VPS11: variants seen among roughly 807,000 people sequenced by gnomAD.
VPS11 encodes vacuolar protein sorting-associated protein 11 homolog.
Under a neutral mutation model 106.8 loss-of-function variants are expected in VPS11, and 51 were observed. That is an observed-to-expected ratio of 0.48 (90% CI 0.38 to 0.60). The LOEUF is 0.60. VPS11 is among the 20% of genes least tolerant of loss of function. VPS11 has a pLI of 0.00. For missense variants in VPS11, 950 were observed against 1,190.0 expected (o/e 0.80, Z 2.97); for synonymous variants, 453 against 458.7 (o/e 0.99, Z 0.16).
chr11:119,073,995 C>T, intron 7 of VPS11, 44 bp downstream of exon 7: 2 of 1,577,072 alleles, frequency 1.3e-6, no homozygotes, highest in South Asian at 2.2e-5. Context: ...AATGCAGGGA[C>T]AGGCAGCTAG....
chr11:119,074,562 C>T (rs1945527777), intron 7 of VPS11, among the ~76,000 whole-genome samples: 1 of 152,074 alleles, frequency 6.6e-6, no homozygotes, highest in Non-Finnish European at 1.5e-5. Context: ...TGCTGCCATG[C>T]CTGGCTAATT....
At chr11:119,076,776 C>A in intron 7 of VPS11, 121 bp from the exon 8 acceptor site, 1 of 1,159,030 alleles carries the variant, frequency 8.6e-7, no homozygotes. Flanking sequence ...GAATCTCAGG[C>A]CCCACTCCAG....
intron 7 of VPS11, 163 bp from the exon 8 acceptor site, chr11:119,076,734 C>A: frequency 1.2e-6 from 1 of 810,304 alleles, no homozygotes; most frequent in South Asian, 1.7e-5. Context: ...TCTAGTAGCA[C>A]CGATATTACC....
chr11:119,079,049 G>C, intron 13 of VPS11, 52 bp downstream of exon 13: 1 of 1,612,502 alleles, frequency 6.2e-7, no homozygotes, highest in Non-Finnish European at 8.5e-7. Flanking sequence ...GCTGGGCTCT[G>C]TGGCAGGGGC....
At chr11:119,078,443 C>A in intron 11 of VPS11, 109 bp downstream of exon 11, 1 of 1,567,702 alleles carries the variant, frequency 6.4e-7, no homozygotes. Flanking sequence ...CACCTTACCT[C>A]GGGGCTCAAT....
chr11:119,069,585 G>C lies in VPS11; in HGVS notation c.472+8G>C. The C allele has an allele frequency of 1.2e-6, 2 of 1,614,000 alleles. No homozygotes were observed. Among genetic ancestry groups the C allele is most frequent in the Non-Finnish European group, 8.5e-7 (1 of 1,179,890 alleles). The stretch of plus-strand genomic sequence containing the variant: ...TCAACTTTATGGCCATTGGTAAACA[G>C]AAGGCAAAACTAACCCTCCTAGATT... On this transcript the variant is annotated splice_region_variant and intron_variant, in intron 3 of 15. Transcript: ENST00000621676.
chr11:119,079,671 G>C (rs1391402891), intron 14 of VPS11, among the ~76,000 whole-genome samples: 1 of 152,168 alleles, frequency 6.6e-6, no homozygotes, highest in Non-Finnish European at 1.5e-5. Flanking sequence ...GATCTCCTGG[G>C]CTCAAGTGAT....
Position 119,069,245 on chromosome 11 carries a change from C to G in VPS11, c.237C>G (p.Gly79=). 6.2e-7 allele frequency: 1 copy of G among 1,613,984 alleles called. No individual in the cohort carries two copies. The highest frequency in any genetic ancestry group is 8.5e-7 in the Non-Finnish European group (1 of 1,179,884). Residue 79 remains glycine, a synonymous_variant, in exon 2 of 16, where the codon GGC becomes GGG. Transcript: ENST00000621676. ...TGCCACGTTCCCTACAGCTTACAGG[C>G]TTCCAAGCCTACAAACTACGGGTGA... ...WFLPRSLQLT[G]FQAYKLRVTH...
At position 119,077,895 on chromosome 11, in the gene VPS11, T is replaced by C. The variant is rs1945689876; in HGVS notation, c.1590T>C (p.Leu530=). The change falls in exon 10 of 16, where the codon CTT becomes CTC. Residue 530 remains leucine, a synonymous_variant. Coordinates refer to ENST00000621676, the MANE Select transcript of VPS11 (RefSeq NM_021729.6). The stretch of plus-strand genomic sequence containing the variant: ...TTCCACAGAATTATCAGGAAGCCCT[T>C]CGATACATCGGCAAGCTGCCTTTTG... ...LEDIKNYQEA[L]RYIGKLPFEQ... 1 of 1,613,934 alleles carries C rather than the reference T, an allele frequency of 6.2e-7. No individual in the cohort carries two copies. Among genetic ancestry groups the C allele is most frequent in the Non-Finnish European group, 8.5e-7 (1 of 1,179,902 alleles).
intron 1 of VPS11, 139 bp downstream of exon 1, chr11:119,068,149 G>C (rs1232800537): frequency 7.4e-5 from 75 of 1,011,322 alleles, no homozygotes; most frequent in Non-Finnish European, 1.0e-4. Flanking sequence ...TGTGGTCTAC[G>C]GGAAGAAAGA....
chr11:119,073,336 C>T lies in VPS11; in HGVS notation c.1023C>T (p.Tyr341=), dbSNP rs199758476. 522 of 1,613,864 alleles carry T rather than the reference C, an allele frequency of 3.2e-4. 1 individual carries two copies. The highest frequency in any genetic ancestry group is 4.0e-4 in the Non-Finnish European group (470 of 1,179,906). ...TGCTTGCTGAGTGGGGCTCCCTGTA[C>T]GTGCTGACGCGGGATGGGCGGGTCC... ...VDVLAEWGSL[Y]VLTRDGRVHA... is the part of the protein sequence containing the mutation. The change falls in exon 6 of 16, where the codon TAC becomes TAT. Residue 341 remains tyrosine (Y), a synonymous_variant. Coordinates refer to ENST00000621676, the MANE Select transcript of VPS11 (RefSeq NM_021729.6).
In VPS11 at chr11:119,071,836, T is replaced by C; in HGVS notation, c.877T>C (p.Ser293Pro). The C allele has an allele frequency of 6.2e-7, 1 of 1,612,614 alleles. No homozygotes were observed. Among genetic ancestry groups the C allele is most frequent in the Non-Finnish European group, 8.5e-7 (1 of 1,178,728 alleles). Reference protein sequence around the residue: ...LIIVSRDRKVSPKSEFTSRDS... With the variant: ...LIIVSRDRKVPPKSEFTSRDS... Reference sequence around the variant, plus strand: ...CATTGTCTCCCGTGACCGGAAGGTTTCTCCCAAGTAAGGACTCAGTGAGAA... The same window carrying C: ...CATTGTCTCCCGTGACCGGAAGGTTCCTCCCAAGTAAGGACTCAGTGAGAA... The change falls in exon 5 of 16, where the codon TCT becomes CCT. Residue 293 changes from serine to proline, a missense_variant. Physicochemically the swap from Ser to Pro is moderately conservative, Grantham distance 74 (BLOSUM62 -1). This residue lies in a region of VPS11 where 435 missense variants were observed against 630.2 expected (regional missense o/e 0.69). Transcript: ENST00000621676.
chr11:119,071,976 G>GTTTTT, intron 5 of VPS11, 133 bp downstream of exon 5: 1 of 1,027,452 alleles, frequency 9.7e-7, no homozygotes, highest in Non-Finnish European at 1.4e-6. Context: ...TAACATTTCT[G>GTTTTT]TTTTTTTTTT....
At chr11:119,075,732 A>G (rs1311538659) in intron 7 of VPS11, among the ~76,000 whole-genome samples, 2 of 150,738 alleles carry the variant, frequency 1.3e-5, no homozygotes, top group African/African-American at 4.9e-5. Flanking sequence ...GGCGCCTGTA[A>G]TCCCATCTTA....
At position 119,073,826 on chromosome 11, in the gene VPS11, G is replaced by C. The variant is rs1425754248; in HGVS notation, c.1113G>C (p.Glu371Asp). The C allele has an allele frequency of 1.2e-6, 2 of 1,612,314 alleles. No homozygotes were observed. Among genetic ancestry groups the C allele is most frequent in the African/African-American group, 2.7e-5 (2 of 74,916 alleles). The change falls in exon 7 of 16, where the codon GAG becomes GAC. Residue 371 changes from glutamate to aspartate, a missense_variant. Physicochemically the swap from Glu to Asp is conservative, Grantham distance 45. Coordinates refer to ENST00000621676, the MANE Select transcript of VPS11 (RefSeq NM_021729.6). ...TGCTGTTTAAGAAGAACCTATTTGA[G>C]ATGGCGATTAACCTTGCCAAGAGCC... is the stretch of plus-strand genomic sequence containing the variant. ...LEMLFKKNLF[E>D]MAINLAKSQH...
At position 119,073,347 on chromosome 11, in the gene VPS11, G is replaced by C; in HGVS notation, c.1034G>C (p.Arg345Pro). The C allele has an allele frequency of 6.2e-7, 1 of 1,613,840 alleles. No homozygotes were observed. Among genetic ancestry groups the C allele is most frequent in the Non-Finnish European group, 8.5e-7 (1 of 1,179,896 alleles). ...TGGGGCTCCCTGTACGTGCTGACGC[G>C]GGATGGGCGGGTCCACGCACTGCAG... Reference protein sequence around the residue: ...AEWGSLYVLTRDGRVHALQEK... With the variant: ...AEWGSLYVLTPDGRVHALQEK... The change falls in exon 6 of 16, where the codon CGG becomes CCG. Residue 345 changes from arginine to proline, a missense_variant. Coordinates refer to ENST00000621676, the MANE Select transcript of VPS11 (RefSeq NM_021729.6).
chr11:119,068,434 G>A (rs1386855341), intron 1 of VPS11, among the ~76,000 whole-genome samples: 2 of 124,416 alleles, frequency 1.6e-5, no homozygotes, highest in African/African-American at 5.8e-5. Flanking sequence ...CTAAATTCTG[G>A]CCTTTTTACC....
In VPS11 at chr11:119,078,845, T is replaced by C; in HGVS notation, c.2114T>C (p.Val705Ala). ...ATGCAGCACGAGCAGTACCGGCAGG[T>C]CATCAGCGTGTGTGAGCGCCATGGG... ...YHMQHEQYRQ[V>A]ISVCERHGEQ... is the part of the protein sequence containing the mutation. Residue 705 changes from valine (V) to alanine (A), a missense_variant, in exon 13 of 16, where the codon GTC becomes GCC. Physicochemically the swap from Val to Ala is moderately conservative, Grantham distance 64. Coordinates refer to ENST00000621676, the MANE Select transcript of VPS11 (RefSeq NM_021729.6). 1.2e-6 allele frequency: 2 copies of C among 1,613,430 alleles called. No homozygotes were observed. The highest frequency in any genetic ancestry group is 2.7e-5 in the African/African-American group (2 of 75,056).
At chr11:119,069,773 C>T (rs1945298237) in intron 3 of VPS11, among the ~76,000 whole-genome samples, 196 bp downstream of exon 3, 1 of 151,720 alleles carries the variant, frequency 6.6e-6, no homozygotes, top group African/African-American at 2.4e-5. Flanking sequence ...CTGAGGTGGG[C>T]GGATCACCTG....
Sources: allele counts gnomAD v4.1 joint callset (sites outside exome capture counted in the v4.1 genomes callset), GRCh38; gene constraint gnomAD v4.1.1; regional missense constraint gnomAD v4.1.1; transcripts MANE v1.5; gene names NCBI Gene and HGNC (gene_info 2026-07-23, HGNC 2026-07-21).